Variants in CKAP5 observed in about 807,000 individuals in gnomAD.
The protein encoded by CKAP5 is cytoskeleton associated protein 5, also known as cytoskeleton-associated protein 5.
Under a neutral mutation model 232.8 loss-of-function variants are expected in CKAP5, and 27 were observed. That is an observed-to-expected ratio of 0.12 (90% confidence interval 0.09 to 0.16). CKAP5 has a LOEUF of 0.16. CKAP5 is among the 10% of genes least tolerant of loss of function. The probability of loss-of-function intolerance (pLI) is 1.00; values close to 1 mark genes in which losing one functional copy is unlikely to be tolerated. For synonymous variants in CKAP5, 785 were observed against 841.1 expected (o/e 0.93, Z 1.16); for missense variants, 1,838 against 2,424.7 (o/e 0.76, Z 5.08).
At position 46,760,729 on chromosome 11, in the gene CKAP5, C is replaced by G; in HGVS notation, c.4277G>C (p.Arg1426Thr). Residue 1426 changes from arginine to threonine, a missense_variant, in exon 33 of 44, where the codon AGA becomes ACA. By Grantham distance (71) the Arg-to-Thr change is moderately conservative (BLOSUM62 -1). Transcript: ENST00000529230. ...CTGTTTTATTGGTGCAGCAGAGGGT[C>G]TCTTTGCTGACCGCTTAATCCTCTC... ...LEERIKRSAK[R>T]PSAAPIKQVE... 1 of 1,614,224 alleles carries G rather than the reference C, an allele frequency of 6.2e-7. No homozygotes were observed. Among genetic ancestry groups the G allele is most frequent in the South Asian group, 1.1e-5 (1 of 91,084 alleles).
intron 1 of CKAP5, among the ~76,000 whole-genome samples, chr11:46,833,728 C>T (rs563153968): frequency 2.0e-5 from 3 of 151,592 alleles, no homozygotes; most frequent in East Asian, 2.0e-4. Flanking sequence ...CCGCCCGCCT[C>T]GTCCTCCCAA....
chr11:46,774,250 C>G (rs2065272991), intron 24 of CKAP5, among the ~76,000 whole-genome samples: 1 of 152,134 alleles, frequency 6.6e-6, no homozygotes, highest in Non-Finnish European at 1.5e-5. Flanking sequence ...AGAGCCAAAT[C>G]ATGAGCAAAC....
intron 16 of CKAP5, among the ~76,000 whole-genome samples, chr11:46,786,465 T>C (rs113831468): frequency 2.6e-5 from 4 of 152,232 alleles, no homozygotes; most frequent in African/African-American, 9.6e-5. Flanking sequence ...GTTATTTGAC[T>C]GGACTCTGGC....
At position 46,822,335 on chromosome 11, in the gene CKAP5, GAAC is replaced by G. The variant is rs1347335608; in HGVS notation, c.-37-1070_-37-1068del. 4.6e-5 allele frequency among the ~76,000 whole-genome samples: 7 copies of G among 152,150 alleles called. No individual in the cohort carries two copies. The East Asian group carries it at 1.4e-3, about 29-fold the overall frequency. On this transcript the variant is annotated intron_variant, in intron 1 of 43. Coordinates refer to ENST00000529230, the MANE Select transcript of CKAP5 (RefSeq NM_001008938.4). ...ATGATGCTTTTATTTTCCCAAATAA[GAAC>G]TTCTTAGATATAAAACGAAGCTGGA...
intron 13 of CKAP5, among the ~76,000 whole-genome samples, chr11:46,794,988 C>T (rs1938835176): frequency 1.3e-5 from 2 of 152,064 alleles, no homozygotes; most frequent in South Asian, 2.1e-4. Context: ...TGTGGTGATG[C>T]TGCACAACAT....
chr11:46,747,687 T>C (rs547235946), intron 42 of CKAP5, among the ~76,000 whole-genome samples: 6 of 151,196 alleles, frequency 4.0e-5, no homozygotes, highest in Non-Finnish European at 8.8e-5. Flanking sequence ...AACAAAGCCA[T>C]CTAAGGAAGA....
At chr11:46,744,690 C>A (rs566657582) in intron 42 of CKAP5, 113 bp from the exon 43 acceptor site, 5 of 972,882 alleles carry the variant, frequency 5.1e-6, no homozygotes, top group Non-Finnish European at 7.6e-6. Flanking sequence ...TACTTGAAAA[C>A]GACAAATTCC....
intron 1 of CKAP5, among the ~76,000 whole-genome samples, chr11:46,821,721 C>T (rs1383168736): frequency 6.6e-6 from 1 of 151,962 alleles, no homozygotes; most frequent in African/African-American, 2.4e-5. Flanking sequence ...CCGCGCCCGG[C>T]CAATAGAATT....
At chr11:46,799,330 A>G (rs1385859263) in intron 9 of CKAP5, among the ~76,000 whole-genome samples, 1 of 152,214 alleles carries the variant, frequency 6.6e-6, no homozygotes, top group African/African-American at 2.4e-5. Flanking sequence ...ACAAGAAATA[A>G]TTGTTTTCAA....
chr11:46,819,619 C>T (rs1045621863), intron 2 of CKAP5, among the ~76,000 whole-genome samples: 2 of 152,068 alleles, frequency 1.3e-5, no homozygotes, highest in African/African-American at 4.8e-5. Context: ...AAATAATTTA[C>T]ATGTTATTTG....
chr11:46,811,133 C>T lies in CKAP5; in HGVS notation c.504G>A (p.Val168=). Residue 168 remains valine, a synonymous_variant, in exon 5 of 44, where the codon GTG becomes GTA. Coordinates refer to ENST00000529230, the MANE Select transcript of CKAP5 (RefSeq NM_001008938.4). ...KIILLKPIIK[V]LPKLFESREK... Reference sequence around the variant, plus strand: ...CTCGAGACTCAAAGAGTTTTGGCAACACTTTGATAATTGGCTTAAGCAAGA... The same window carrying T: ...CTCGAGACTCAAAGAGTTTTGGCAATACTTTGATAATTGGCTTAAGCAAGA... The T allele has an allele frequency of 6.2e-7, 1 of 1,613,924 alleles. No homozygotes were observed. Among genetic ancestry groups the T allele is most frequent in the Non-Finnish European group, 8.5e-7 (1 of 1,179,972 alleles).
chr11:46,797,112 G>T (rs576372563), intron 11 of CKAP5, among the ~76,000 whole-genome samples, 172 bp from the exon 12 acceptor site: 13 of 152,064 alleles, frequency 8.5e-5, no homozygotes, highest in African/African-American at 3.1e-4. Context: ...ATTCTTTTTG[G>T]GCCAGGCACA....
chr11:46,805,756 T>C (rs941801500), intron 8 of CKAP5, among the ~76,000 whole-genome samples: 1 of 152,134 alleles, frequency 6.6e-6, no homozygotes, highest in Non-Finnish European at 1.5e-5. Flanking sequence ...GCCAACATGG[T>C]GAAACCCCGT....
intron 4 of CKAP5, among the ~76,000 whole-genome samples, chr11:46,811,570 GA>G (rs1939275921): frequency 6.6e-6 from 1 of 152,052 alleles, no homozygotes; most frequent in South Asian, 2.1e-4. Flanking sequence ...TCTGCCTCCT[GA>G]GTTCAGGTGA....
At position 46,845,057 on chromosome 11, in the gene CKAP5, T is replaced by A. The variant is rs983059380; in HGVS notation, c.-38+1163A>T. Among the ~76,000 whole-genome samples, 3 of 152,222 alleles carry A rather than the reference T, an allele frequency of 2.0e-5. No individual in the cohort carries two copies. In the East Asian group the frequency reaches 5.8e-4, roughly 29 times the overall value. On this transcript the variant is annotated intron_variant, in intron 1 of 43. Transcript: ENST00000529230. The stretch of plus-strand genomic sequence containing the variant: ...CCTTTATCTATATCATTAAATTTGG[T>A]AAAAGCATTACAGTTTGTCCAGTCA...
intron 23 of CKAP5, 68 bp from the exon 24 acceptor site, chr11:46,776,451 T>C: frequency 2.2e-6 from 3 of 1,347,898 alleles, no homozygotes; most frequent in East Asian, 4.8e-5. Context: ...TGATCACTGT[T>C]GCTTTATGAA....
chr11:46,791,530 C>T (rs1470632024), intron 13 of CKAP5, among the ~76,000 whole-genome samples: 5 of 151,948 alleles, frequency 3.3e-5, no homozygotes, highest in Non-Finnish European at 7.4e-5. Context: ...AAAAATTAGC[C>T]AGGTGTGTTG....
chr11:46,750,507 G>C, intron 41 of CKAP5, 21 bp downstream of exon 41: 1 of 1,612,482 alleles, frequency 6.2e-7, no homozygotes, highest in Non-Finnish European at 8.5e-7. Context: ...CCCCTATTCT[G>C]CTTAACCCTT....
chr11:46,828,731 G>C (rs1172980794), intron 1 of CKAP5, among the ~76,000 whole-genome samples: 1 of 151,910 alleles, frequency 6.6e-6, no homozygotes, highest in African/African-American at 2.4e-5. Context: ...AAAAATTAGA[G>C]AAAAAAATCT....
Sources: allele counts gnomAD v4.1 joint callset (sites outside exome capture counted in the v4.1 genomes callset), GRCh38; gene constraint gnomAD v4.1.1; transcripts MANE v1.5; gene names NCBI Gene and HGNC (gene_info 2026-07-23, HGNC 2026-07-21).